The following MED26 variants were observed in gnomAD, a reference collection of about 807,000 sequenced individuals.
MED26 encodes the protein mediator complex subunit 26, also known as mediator of RNA polymerase II transcription subunit 26.
A neutral mutation model predicts 43.7 loss-of-function variants in MED26; 7 were observed. The observed-to-expected ratio is 0.16, with a 90% CI of 0.09 to 0.30. The LOEUF is 0.30. Ranked by LOEUF, MED26 falls within the 10% of genes least tolerant of loss-of-function variation. The pLI is 1.00. For synonymous variants in MED26, 375 were observed against 371.1 expected, an observed-to-expected ratio of 1.01 and a Z score of -0.12; for missense variants, 784 against 840.6, an observed-to-expected ratio of 0.93 and a Z score of 0.83.
chr19:16,591,550 C>T (rs1248812341), intron 1 of MED26, among the ~76,000 whole-genome samples: 1 of 152,182 alleles, frequency 6.6e-6, no homozygotes, highest in South Asian at 2.1e-4. Context: ...CAAGCAGCCA[C>T]CAAGCCACTT....
chr19:16,613,168 G>A (rs1382558845), intron 1 of MED26, among the ~76,000 whole-genome samples: 1 of 152,136 alleles, frequency 6.6e-6, no homozygotes, highest in Non-Finnish European at 1.5e-5. Context: ...CTTGGAGACG[G>A]AGCTGTAGAG....
chr19:16,592,260 T>G (rs986035189), intron 1 of MED26, among the ~76,000 whole-genome samples: 19 of 152,218 alleles, frequency 1.2e-4, no homozygotes, highest in African/African-American at 4.6e-4. Flanking sequence ...GGGTGTGATG[T>G]GCCCAAGTTC....
At position 16,609,941 on chromosome 19, in the gene MED26, T is replaced by TAAAAAAAAAAAAAAAAA. The variant is rs869040520; in HGVS notation, c.72+17914_72+17930dup. On this transcript the variant is annotated intron_variant, in intron 1 of 2. Coordinates refer to ENST00000263390, the MANE Select transcript of MED26 (RefSeq NM_004831.5). The stretch of plus-strand genomic sequence containing the variant: ...TATGTTCTTGGACACAAGCACTCTT[T>TAAAAAAAAAAAAAAAAA]AAAAAAAAAAAAAAAAAAAAAAAAA... Among the ~76,000 whole-genome samples, 3 of 84,672 alleles carry TAAAAAAAAAAAAAAAAA rather than the reference T, an allele frequency of 3.5e-5. 1 individual carries two copies. The highest frequency in any genetic ancestry group is 4.7e-5 in the African/African-American group (1 of 21,072). The allele number at this position is 84,672 out of a possible 152,430, so 55.5% of individuals were successfully genotyped here. A position where few individuals can be genotyped will look rare whatever the true frequency, so the allele number is the denominator to read the frequency against.
intron 1 of MED26, among the ~76,000 whole-genome samples, chr19:16,619,782 C>A (rs965538173): frequency 5.3e-5 from 8 of 152,252 alleles, no homozygotes; most frequent in African/African-American, 1.9e-4. Flanking sequence ...TGCTGTGCAC[C>A]CAGCACACGA....
At chr19:16,619,461 A>G (rs2086241659) in intron 1 of MED26, among the ~76,000 whole-genome samples, 1 of 152,222 alleles carries the variant, frequency 6.6e-6, no homozygotes, top group South Asian at 2.1e-4. Flanking sequence ...CCTGATGACT[A>G]GAACGGGGGA....
intron 1 of MED26, among the ~76,000 whole-genome samples, chr19:16,598,791 T>C (rs1319994868): frequency 2.6e-5 from 4 of 152,078 alleles, no homozygotes; most frequent in African/African-American, 9.7e-5. Flanking sequence ...TGTAATAACC[T>C]TTAGGACAAA....
In MED26 at chr19:16,628,139, A is replaced by C; in HGVS notation, c.-196T>G. 1 of 364,998 alleles carries C rather than the reference A, an allele frequency of 2.7e-6. No homozygotes were observed. The highest frequency in any genetic ancestry group is 4.8e-6 in the Non-Finnish European group (1 of 206,742). The allele number at this position is 364,998 out of a possible 1,614,324, so 22.6% of individuals were successfully genotyped here. On this transcript the variant is annotated 5_prime_UTR_variant, in exon 1 of 3. Transcript: ENST00000263390. Reference sequence around the variant, plus strand: ...GGTCCCGGGCCGCCGCCGCCACCAAAGGAGGAGGAGGAGCCGCCGGAGCCG... The same window carrying C: ...GGTCCCGGGCCGCCGCCGCCACCAACGGAGGAGGAGGAGCCGCCGGAGCCG...
intron 1 of MED26, chr19:16,611,706 G>T (rs1002929488): frequency 6.6e-6 from 1 of 151,958 alleles, no homozygotes; most frequent in Non-Finnish European, 1.5e-5. Context: ...TCATGGTAAG[G>T]CCTGCCCATT....
In MED26 at chr19:16,577,339, T is replaced by C. The variant is rs528910232; in HGVS notation, c.491A>G (p.Lys164Arg). 6.8e-6 allele frequency: 11 copies of C among 1,611,916 alleles called. No homozygotes were observed. In the South Asian group the frequency reaches 9.9e-5, roughly 14 times the overall value. Residue 164 changes from lysine (K) to arginine (R), a missense_variant, in exon 3 of 3, where the codon AAG becomes AGG. By Grantham distance (26) the Lys-to-Arg change is conservative. Transcript: ENST00000263390. The surrounding 1 kb of genome is among the most constrained non-coding windows in gnomAD (Gnocchi z 8.1). ...RDLGHPGPPP[K>R]VSKASHDPLV... ...GGGGTCGTGGCTAGCTTTGGAGACCTTGGGTGGCGGCCCTGGGTGGCCGAG... is the reference window on the plus strand; with the variant it reads ...GGGGTCGTGGCTAGCTTTGGAGACCCTGGGTGGCGGCCCTGGGTGGCCGAG...
chr19:16,600,304 C>T (rs952193344), intron 1 of MED26, among the ~76,000 whole-genome samples: 3 of 152,216 alleles, frequency 2.0e-5, no homozygotes, highest in East Asian at 1.9e-4. Context: ...ATACCACCCC[C>T]TCTAGTGATG....
chr19:16,623,105 T>C (rs2086258881), intron 1 of MED26, among the ~76,000 whole-genome samples: 1 of 152,082 alleles, frequency 6.6e-6, no homozygotes, highest in South Asian at 2.1e-4. Flanking sequence ...GGACAACATA[T>C]TCTGAGGACC....
intron 1 of MED26, among the ~76,000 whole-genome samples, chr19:16,594,948 G>A (rs369377715): frequency 6.6e-6 from 1 of 152,078 alleles, no homozygotes; most frequent in East Asian, 1.9e-4. Context: ...AGCCTGCCTC[G>A]GCCTCACCTC....
At chr19:16,620,382 C>T (rs1183175596) in intron 1 of MED26, among the ~76,000 whole-genome samples, 1 of 152,230 alleles carries the variant, frequency 6.6e-6, no homozygotes, top group African/African-American at 2.4e-5. Context: ...TTAATCTACA[C>T]CTGCTATGAA....
At chr19:16,627,182 C>T (rs936221402) in intron 1 of MED26, among the ~76,000 whole-genome samples, 5 of 152,162 alleles carry the variant, frequency 3.3e-5, no homozygotes, top group Admixed American at 3.3e-4. Context: ...GTCAGAGACG[C>T]AATGGGTACT....
Position 16,576,857 on chromosome 19 carries a change from G to A in MED26, c.973C>T (p.Pro325Ser), listed in dbSNP as rs750334769. The change falls in exon 3 of 3, where the codon CCC (proline) becomes TCC (serine). Residue 325 changes from proline (P) to serine (S), a missense_variant. Physicochemically the swap from Pro to Ser is moderately conservative, Grantham distance 74. Coordinates refer to ENST00000263390, the MANE Select transcript of MED26 (RefSeq NM_004831.5). The surrounding 1 kb of genome is among the most constrained non-coding windows in gnomAD (Gnocchi z 6.8). ...GGCAGCAGCTCGAGCCGCCGTACGGGGGGTGTGGACGGCTGTGCCAGTGGA... is the reference window on the plus strand; with the variant it reads ...GGCAGCAGCTCGAGCCGCCGTACGGAGGGTGTGGACGGCTGTGCCAGTGGA... ...PLPLAQPSTP[P>S]VRRLELLPSA... 6.2e-7 allele frequency: 1 copy of A among 1,611,080 alleles called. No individual in the cohort carries two copies. The highest frequency in any genetic ancestry group is 1.3e-5 in the African/African-American group (1 of 74,920).
chr19:16,584,703 T>A (rs1044334694), intron 1 of MED26, among the ~76,000 whole-genome samples: 1 of 152,206 alleles, frequency 6.6e-6, no homozygotes, highest in Non-Finnish European at 1.5e-5. Flanking sequence ...AATCTGGAAT[T>A]TGCTACAGAA....
chr19:16,582,546 C>G (rs1010097484), intron 1 of MED26, among the ~76,000 whole-genome samples: 14 of 152,228 alleles, frequency 9.2e-5, no homozygotes, highest in African/African-American at 3.4e-4. Flanking sequence ...ACTGACCCCC[C>G]ACCCAGGAGT....
chr19:16,607,625 G>A (rs1470403113), intron 1 of MED26, among the ~76,000 whole-genome samples: 1 of 152,218 alleles, frequency 6.6e-6, no homozygotes, highest in African/African-American at 2.4e-5. Context: ...AACCCGGGGA[G>A]GTAATACATC....
chr19:16,606,623 G>A (rs1452710338), intron 1 of MED26, among the ~76,000 whole-genome samples: 1 of 152,116 alleles, frequency 6.6e-6, no homozygotes, highest in African/African-American at 2.4e-5. Context: ...ATTTTTTGGA[G>A]GGGAGCGGGG....
Sources: allele counts gnomAD v4.1 joint callset (sites outside exome capture counted in the v4.1 genomes callset), GRCh38; gene constraint gnomAD v4.1.1; non-coding constraint Gnocchi (gnomAD v3.1); transcripts MANE v1.5; gene names NCBI Gene and HGNC (gene_info 2026-07-23, HGNC 2026-07-21).